NUAK1: variants seen among roughly 807,000 people sequenced by gnomAD.
NUAK1 encodes the protein NUAK family SNF1-like kinase 1.
A neutral mutation model predicts 56.9 loss-of-function variants in NUAK1; 26 were observed. That is an observed-to-expected ratio of 0.46 (90% confidence interval 0.33 to 0.63). The LOEUF (loss-of-function observed/expected upper bound fraction) is 0.63, where lower values mean the gene tolerates loss of function less well. Among genes scored for constraint, NUAK1 ranks in the 30% least tolerant of loss-of-function variants. The probability of loss-of-function intolerance (pLI) is 0.02; values close to 1 mark genes in which losing one functional copy is unlikely to be tolerated. For missense variants in NUAK1, 727 were observed against 876.1 expected, an observed-to-expected ratio of 0.83 and a Z score of 2.15; for synonymous variants, 337 against 336.0, an observed-to-expected ratio of 1.00 and a Z score of -0.03.
chr12:106,130,227 C>G (rs2033063804), intron 1 of NUAK1, among the ~76,000 whole-genome samples: 1 of 152,188 alleles, frequency 6.6e-6, no homozygotes, highest in African/African-American at 2.4e-5. Flanking sequence ...GGTGATCCAC[C>G]CACTTCGGCC....
intron 1 of NUAK1, among the ~76,000 whole-genome samples, chr12:106,132,323 C>T (rs771028212): frequency 6.6e-6 from 1 of 152,246 alleles, no homozygotes; most frequent in Admixed American, 6.5e-5. Flanking sequence ...GATATTCTCT[C>T]GCTCAATGTA....
At chr12:106,112,189 T>A (rs900586539) in intron 1 of NUAK1, among the ~76,000 whole-genome samples, 1 of 152,074 alleles carries the variant, frequency 6.6e-6, no homozygotes, top group African/African-American at 2.4e-5. Context: ...CAAGTTTGCA[T>A]CCTAATCCCA....
chr12:106,104,677 A>G (rs11112868), intron 2 of NUAK1, among the ~76,000 whole-genome samples: 84,482 of 152,022 alleles, frequency 0.56, 24,371 homozygotes, highest in African/African-American at 0.73. Context: ...AATAAAAGAT[A>G]GAATGGATAA....
intron 2 of NUAK1, 34 bp from the exon 3 acceptor site, chr12:106,086,919 C>A (rs1435239076): frequency 1.9e-6 from 3 of 1,594,674 alleles, no homozygotes; most frequent in South Asian, 1.1e-5. Context: ...ACAAACACCC[C>A]GTTTAGCCAA....
chr12:106,087,958 G>A (rs769439106), intron 2 of NUAK1, among the ~76,000 whole-genome samples: 13 of 152,206 alleles, frequency 8.5e-5, no homozygotes, highest in African/African-American at 7.2e-5. Context: ...CGGCCACCAG[G>A]TCCAGCCCCT....
At chr12:106,137,070 TA>T (rs1033300625) in intron 1 of NUAK1, among the ~76,000 whole-genome samples, 10 of 147,530 alleles carry the variant, frequency 6.8e-5, no homozygotes, top group East Asian at 6.0e-4. Flanking sequence ...GATTTTTTTT[TA>T]AAATAACGTT....
At position 106,138,799 on chromosome 12, in the gene NUAK1, C is replaced by T; in HGVS notation, c.-146G>A. On this transcript the variant is annotated 5_prime_UTR_variant, in exon 1 of 7. Coordinates refer to ENST00000261402, the MANE Select transcript of NUAK1 (RefSeq NM_014840.3). This position sits in a 1 kb window ranked among gnomAD's most constrained non-coding sequence, Gnocchi z 5.0. ...CGGCCCGATACCGCTCGGACTGCGG[C>T]TCGGTCACTGGCGGCGGCGGGGACT... The T allele has an allele frequency of 1.7e-6, 2 of 1,149,556 alleles. No individual in the cohort carries two copies. Among genetic ancestry groups the T allele is most frequent in the South Asian group, 2.1e-5 (1 of 47,824 alleles). The allele number at this position is 1,149,556 out of a possible 1,614,324, so 71.2% of individuals were successfully genotyped here.
At chr12:106,078,179 T>C (rs2032482050) in intron 4 of NUAK1, among the ~76,000 whole-genome samples, 1 of 152,326 alleles carries the variant, frequency 6.6e-6, no homozygotes, top group Admixed American at 6.5e-5. Context: ...TGCTGTGAGC[T>C]ATGATGGTGC....
At chr12:106,077,483 A>G (rs1164331829) in intron 4 of NUAK1, among the ~76,000 whole-genome samples, 2 of 152,252 alleles carry the variant, frequency 1.3e-5, no homozygotes, top group Non-Finnish European at 2.9e-5. Flanking sequence ...CATTAAAGCC[A>G]CTGCCCATTA....
intron 4 of NUAK1, 147 bp downstream of exon 4, chr12:106,083,717 G>T: frequency 1.5e-6 from 1 of 669,850 alleles, no homozygotes; most frequent in South Asian, 1.8e-5. Flanking sequence ...ACTGGACTTG[G>T]AGCTCAAGCA....
chr12:106,109,143 C>G (rs765012095), intron 1 of NUAK1, among the ~76,000 whole-genome samples: 2 of 152,222 alleles, frequency 1.3e-5, no homozygotes, highest in Non-Finnish European at 2.9e-5. Flanking sequence ...CCTGCCAAGG[C>G]TGGAGGGAAG....
intron 2 of NUAK1, among the ~76,000 whole-genome samples, chr12:106,099,317 G>A (rs1264812534): frequency 6.6e-6 from 1 of 152,206 alleles, no homozygotes; most frequent in Admixed American, 6.5e-5. Flanking sequence ...AATTTTCATG[G>A]TGTTCTGCAG....
In NUAK1 at chr12:106,133,815, T is replaced by C. The variant is rs117141912; in HGVS notation, c.240+4599A>G. On this transcript the variant is annotated intron_variant, in intron 1 of 6. Transcript: ENST00000261402. ...GAAAATCACCTGAAACAATCCTCTA[T>C]GGAAGAGTTACTCATGCCTAGTAAC... Among the ~76,000 whole-genome samples the C allele has an allele frequency of 1.5e-3, 225 of 152,324 alleles. 1 individual carries two copies. The East Asian group carries it at 0.034, about 23-fold the overall frequency.
chr12:106,082,359 C>T (rs138714860), intron 4 of NUAK1, among the ~76,000 whole-genome samples: 1 of 152,344 alleles, frequency 6.6e-6, no homozygotes, highest in Non-Finnish European at 1.5e-5. Context: ...AACTTTGACT[C>T]ATTTGGACAC....
chr12:106,115,117 C>G (rs2032902883), intron 1 of NUAK1, among the ~76,000 whole-genome samples: 1 of 152,174 alleles, frequency 6.6e-6, no homozygotes, highest in Non-Finnish European at 1.5e-5. Flanking sequence ...CTTCAGGCCA[C>G]TACTGAATCA....
intron 4 of NUAK1, among the ~76,000 whole-genome samples, chr12:106,075,323 A>T (rs1379650317): frequency 6.6e-6 from 1 of 150,462 alleles, no homozygotes; most frequent in African/African-American, 2.5e-5. Flanking sequence ...ACACACAGAG[A>T]GAGAGAGAGA....
chr12:106,091,164 C>A (rs763165731), intron 2 of NUAK1, among the ~76,000 whole-genome samples: 1 of 152,172 alleles, frequency 6.6e-6, no homozygotes, highest in Non-Finnish European at 1.5e-5. Context: ...TTATTAGTCA[C>A]TAAGCAAAAG....
At chr12:106,083,788 G>T in intron 4 of NUAK1, 76 bp downstream of exon 4, 4 of 1,310,718 alleles carry the variant, frequency 3.1e-6, no homozygotes, top group South Asian at 2.4e-5. Flanking sequence ...CCAGGCTGCG[G>T]CTTGGAGCAG....
At chr12:106,068,949 C>T (rs765088241) in intron 6 of NUAK1, among the ~76,000 whole-genome samples, 32 of 152,182 alleles carry the variant, frequency 2.1e-4, no homozygotes, top group Non-Finnish European at 1.9e-4. Flanking sequence ...ATTTCTTGAA[C>T]GCCTACAATG....
Sources: gnomAD v4.1 joint callset for allele counts (sites outside exome capture counted in the v4.1 genomes callset) on GRCh38, gnomAD v4.1.1 for gene constraint, Gnocchi (gnomAD v3.1) non-coding constraint, MANE v1.5 for transcripts, NCBI Gene and HGNC (gene_info 2026-07-23, HGNC 2026-07-21) for gene names.